The following NFIB variants were observed in gnomAD, a reference collection of about 807,000 sequenced individuals.
NFIB encodes the protein nuclear factor 1 B-type.
In NFIB, 11 loss-of-function variants were observed where a neutral mutation model predicts 61.5. The observed-to-expected ratio is 0.18, with a 90% confidence interval of 0.11 to 0.30. NFIB has a LOEUF of 0.30. NFIB is among the 10% of genes least tolerant of loss of function. The pLI, the probability that NFIB is intolerant of heterozygous loss-of-function variation, is 1.00. For synonymous variants in NFIB, 260 were observed against 216.5 expected, an observed-to-expected ratio of 1.20 and a Z score of -1.76; for missense variants, 471 against 608.9, an observed-to-expected ratio of 0.77 and a Z score of 2.38.
chr9:14,375,686 C>A (rs2061411099), intron 1 of NFIB, among the ~76,000 whole-genome samples: 1 of 151,758 alleles, frequency 6.6e-6, no homozygotes, highest in Admixed American at 6.6e-5. Context: ...AACCTGGGAA[C>A]ATTTTCACTT....
intron 1 of NFIB, among the ~76,000 whole-genome samples, chr9:14,351,193 T>C (rs1293656353): frequency 2.0e-5 from 3 of 152,196 alleles, no homozygotes; most frequent in Non-Finnish European, 4.4e-5. Context: ...CTCCCCACTT[T>C]TTTTGGTTGT....
Position 14,307,364 on chromosome 9 carries a change from T to C in NFIB, c.187A>G (p.Ser63Gly), listed in dbSNP as rs1304672096. 1.2e-6 allele frequency: 2 copies of C among 1,614,112 alleles called. No homozygotes were observed. Among genetic ancestry groups the C allele is most frequent in the East Asian group, 2.2e-5 (1 of 44,862 alleles). Residue 63 changes from serine (S) to glycine (G), a missense_variant, in exon 2 of 11, where the codon AGT becomes GGT. Ser to Gly is a moderately conservative substitution (Grantham distance 56). Coordinates refer to ENST00000380953, the MANE Select transcript of NFIB (RefSeq NM_001190737.2). The surrounding 1 kb of genome is among the most constrained non-coding windows in gnomAD (Gnocchi z 5.3). ...EERAVKDELL[S>G]EKPEIKQKWA... ...TTCTGTTTGATTTCAGGCTTTTCAC[T>C]GAGAAGCTCATCTTTGACTGCTCTT...
intron 4 of NFIB, among the ~76,000 whole-genome samples, chr9:14,150,559 T>A (rs184065700): frequency 1.2e-4 from 18 of 152,232 alleles, no homozygotes; most frequent in Admixed American, 8.5e-4. Flanking sequence ...ACATTACATC[T>A]GTCACTCTGC....
chr9:14,289,709 T>C (rs910631437), intron 2 of NFIB, among the ~76,000 whole-genome samples: 10 of 152,006 alleles, frequency 6.6e-5, no homozygotes, highest in African/African-American at 2.4e-4. Context: ...AGGGACTTAA[T>C]TATATTACCA....
intron 2 of NFIB, among the ~76,000 whole-genome samples, chr9:14,231,135 A>AAAAAAAAATATATATAT (rs55959148): frequency 8.5e-5 from 3 of 35,344 alleles, no homozygotes; most frequent in Non-Finnish European, 1.6e-4. Context: ...AAAAAAAAAA[A>AAAAAAAAATATATATAT]ATATATATAT....
chr9:14,372,308 T>G (rs1286824663), intron 1 of NFIB, among the ~76,000 whole-genome samples: 1 of 152,162 alleles, frequency 6.6e-6, no homozygotes, highest in Non-Finnish European at 1.5e-5. Context: ...TCTTCCAGCT[T>G]AAGCATAAGG....
At chr9:14,294,797 C>G (rs976548744) in intron 2 of NFIB, among the ~76,000 whole-genome samples, 21 of 152,260 alleles carry the variant, frequency 1.4e-4, no homozygotes, top group African/African-American at 5.1e-4. Flanking sequence ...AATATGATGC[C>G]TTTTTACCCT....
At chr9:14,430,388 T>C in the NFIB span, among the ~76,000 whole-genome samples, 2 of 152,280 alleles carry the variant, frequency 1.3e-5, no homozygotes, top group African/African-American at 2.4e-5. Context: ...TTTCCTGACT[T>C]TTCAATGAGC....
intron 1 of NFIB, among the ~76,000 whole-genome samples, chr9:14,392,196 C>T (rs1375087183): frequency 3.3e-5 from 5 of 152,098 alleles, no homozygotes; most frequent in African/African-American, 4.8e-5. Context: ...CTAAATATAA[C>T]GTGGCATCCT....
intron 2 of NFIB, among the ~76,000 whole-genome samples, chr9:14,285,435 T>G (rs949558518): frequency 6.6e-6 from 1 of 152,224 alleles, no homozygotes; most frequent in African/African-American, 2.4e-5. Flanking sequence ...TTTCAATTCT[T>G]TTTAGTGTGT....
At position 14,100,660 on chromosome 9, in the gene NFIB, G is replaced by T. The variant is rs186346329; in HGVS notation, c.1468-12334C>A. ...ACCCGGGAGGCGGAGCTTGCAGTGA[G>T]CCGAGATTGCGCCACTGCACTCCAG... On this transcript the variant is annotated intron_variant, in intron 10 of 10. Transcript: ENST00000380953. Among the ~76,000 whole-genome samples, 753 of 152,356 alleles carry T rather than the reference G, an allele frequency of 4.9e-3. 6 individuals are homozygous for T. Among genetic ancestry groups the T allele is most frequent in the African/African-American group, 0.017 (706 of 41,582 alleles).
the NFIB span, among the ~76,000 whole-genome samples, chr9:14,478,204 C>A: frequency 3.3e-5 from 5 of 152,322 alleles, no homozygotes; most frequent in Admixed American, 2.6e-4. Flanking sequence ...ATTGGCCAGA[C>A]TTCCTACTAG....
chr9:14,155,253 A>T (rs1335048301), intron 4 of NFIB, among the ~76,000 whole-genome samples: 1 of 152,182 alleles, frequency 6.6e-6, no homozygotes, highest in Non-Finnish European at 1.5e-5. Flanking sequence ...CTTAGCCTAG[A>T]AAAATCTGAT....
intron 2 of NFIB, among the ~76,000 whole-genome samples, chr9:14,293,985 A>C (rs1006737372): frequency 6.6e-6 from 1 of 152,206 alleles, no homozygotes; most frequent in South Asian, 2.1e-4. Context: ...GTCCAAAATA[A>C]TTTCATCTTG....
the NFIB span, among the ~76,000 whole-genome samples, chr9:14,445,053 G>A: frequency 2.0e-5 from 3 of 152,036 alleles, no homozygotes; most frequent in African/African-American, 4.8e-5. Flanking sequence ...TGTGAGCTTC[G>A]TCCATGTTGA....
At chr9:14,169,397 G>C (rs1054426976) in intron 3 of NFIB, among the ~76,000 whole-genome samples, 3 of 152,138 alleles carry the variant, frequency 2.0e-5, no homozygotes, top group African/African-American at 7.2e-5. Context: ...TGGTATGAAA[G>C]ATGCCAAGGT....
At chr9:14,125,534 T>G in intron 7 of NFIB, 98 bp downstream of exon 7, 1 of 1,481,276 alleles carries the variant, frequency 6.8e-7, no homozygotes, top group South Asian at 1.4e-5. Context: ...GAAAATATGG[T>G]TGCCATAGCT....
At chr9:14,406,615 CCT>C in the NFIB span, among the ~76,000 whole-genome samples, 9 of 152,126 alleles carry the variant, frequency 5.9e-5, no homozygotes, top group African/African-American at 9.7e-5. Flanking sequence ...GCTAGCTGTT[CCT>C]CTTTCTTACT....
chr9:14,431,792 A>G, the NFIB span, among the ~76,000 whole-genome samples: 1 of 152,084 alleles, frequency 6.6e-6, no homozygotes, highest in Admixed American at 6.5e-5. Context: ...AGGAGAGAAA[A>G]CAGGAAGTGC....
Sources: allele counts gnomAD v4.1 joint callset (sites outside exome capture counted in the v4.1 genomes callset), GRCh38; gene constraint gnomAD v4.1.1; non-coding constraint Gnocchi (gnomAD v3.1); transcripts MANE v1.5; gene names NCBI Gene and HGNC (gene_info 2026-07-23, HGNC 2026-07-21).